The following ARL15 variants were observed in gnomAD, a reference collection of about 807,000 sequenced individuals.
The protein encoded by ARL15 is ADP-ribosylation factor-like protein 15.
Under a neutral mutation model 25.2 loss-of-function variants are expected in ARL15, and 19 were observed. The observed-to-expected ratio is 0.75, with a 90% CI of 0.53 to 1.10. The LOEUF is 1.10. Among genes scored for constraint, ARL15 ranks in the 50% least tolerant of loss-of-function variants. The probability of loss-of-function intolerance (pLI) is 0.00; values close to 1 mark genes in which losing one functional copy is unlikely to be tolerated. For synonymous variants in ARL15, 94 were observed against 86.8 expected, an observed-to-expected ratio of 1.08 and a Z score of -0.46; for missense variants, 220 against 246.0, an observed-to-expected ratio of 0.89 and a Z score of 0.71.
intron 2 of ARL15, among the ~76,000 whole-genome samples, chr5:54,159,272 G>C (rs1754330787): frequency 6.6e-6 from 1 of 152,142 alleles, no homozygotes; most frequent in Non-Finnish European, 1.5e-5. Flanking sequence ...AACTTAGGAG[G>C]GGAGGGAAAA....
chr5:54,114,406 G>GCAAAAAAAAAAAAAA (rs1342951039), intron 3 of ARL15, among the ~76,000 whole-genome samples: 1 of 74,474 alleles, frequency 1.3e-5, no homozygotes, highest in Non-Finnish European at 2.3e-5. Flanking sequence ...TCCATCTCAA[G>GCAAAAAAAAAAAAAA]AAAAAAAAAA....
At chr5:54,143,496 A>G (rs1295526070) in intron 3 of ARL15, among the ~76,000 whole-genome samples, 1 of 151,912 alleles carries the variant, frequency 6.6e-6, no homozygotes, top group African/African-American at 2.4e-5. Flanking sequence ...TTTTGTCACC[A>G]TATATAGCTG....
At chr5:54,264,098 G>T (rs1188386248) in intron 1 of ARL15, among the ~76,000 whole-genome samples, 1 of 151,938 alleles carries the variant, frequency 6.6e-6, no homozygotes, top group African/African-American at 2.4e-5. Flanking sequence ...ATCATCTTTT[G>T]CCTAGATTAC....
intron 4 of ARL15, among the ~76,000 whole-genome samples, chr5:53,944,862 C>T (rs2112096497): frequency 6.6e-6 from 1 of 152,150 alleles, no homozygotes; most frequent in South Asian, 2.1e-4. Flanking sequence ...ACCAAATAAA[C>T]AAAATAGAGA....
chr5:54,010,926 G>C (rs1030570966), intron 4 of ARL15, among the ~76,000 whole-genome samples: 2 of 151,760 alleles, frequency 1.3e-5, no homozygotes, highest in African/African-American at 4.8e-5. Flanking sequence ...CGTGAACCCG[G>C]GAGGCGGAGC....
chr5:53,976,476 G>A (rs372195169), intron 4 of ARL15, among the ~76,000 whole-genome samples: 16 of 152,236 alleles, frequency 1.1e-4, no homozygotes, highest in Admixed American at 2.6e-4. Context: ...TATACTAATG[G>A]ATATGGGGAG....
chr5:54,241,330 G>T (rs1336995764), intron 1 of ARL15, among the ~76,000 whole-genome samples: 1 of 151,994 alleles, frequency 6.6e-6, no homozygotes, highest in Non-Finnish European at 1.5e-5. Context: ...TTCACCCAAT[G>T]GTTGTGGTAG....
intron 4 of ARL15, among the ~76,000 whole-genome samples, chr5:53,913,180 G>A (rs532142163): frequency 8.5e-5 from 13 of 152,294 alleles, no homozygotes; most frequent in South Asian, 2.1e-4. Context: ...GCATGCATCC[G>A]GAGTCTCAGC....
intron 1 of ARL15, among the ~76,000 whole-genome samples, chr5:54,204,650 T>C (rs191355466): frequency 9.8e-5 from 15 of 152,306 alleles, no homozygotes; most frequent in Admixed American, 9.2e-4. Context: ...GTCTTGCACT[T>C]TTTTTCTCAA....
intron 1 of ARL15, among the ~76,000 whole-genome samples, chr5:54,250,495 G>A (rs1757210472): frequency 6.6e-6 from 1 of 152,190 alleles, no homozygotes; most frequent in Non-Finnish European, 1.5e-5. Context: ...GTTAAAGTTG[G>A]AGAAGAAAAT....
intron 1 of ARL15, among the ~76,000 whole-genome samples, chr5:54,239,630 G>GTCCTCAT (rs1259963718): frequency 1.4e-4 from 22 of 152,180 alleles, no homozygotes; most frequent in African/African-American, 5.3e-4. Flanking sequence ...TCTGAAATAT[G>GTCCTCAT]AGGACAAAAA....
chr5:53,899,896 C>CT (rs1745007653), intron 4 of ARL15, among the ~76,000 whole-genome samples: 1 of 152,172 alleles, frequency 6.6e-6, no homozygotes, highest in Admixed American at 6.5e-5. Context: ...GTCCTCCTTA[C>CT]TTTTTTCCTC....
intron 1 of ARL15, among the ~76,000 whole-genome samples, chr5:54,186,931 C>A (rs1158752326): frequency 1.3e-5 from 2 of 149,656 alleles, no homozygotes; most frequent in South Asian, 4.3e-4. Context: ...TCTTAAACTA[C>A]CAGGAAAATA....
In ARL15 at chr5:54,080,016, C is replaced by G. The variant is rs895909117; in HGVS notation, c.462+33186G>C. 1.2e-4 allele frequency among the ~76,000 whole-genome samples: 15 copies of G among 127,020 alleles called. No homozygotes were observed. The East Asian group carries it at 3.6e-3, about 30-fold the overall frequency. The allele number at this position is 127,020 out of a possible 152,430, so 83.3% of individuals were successfully genotyped here. A position where few individuals can be genotyped will look rare whatever the true frequency, so the allele number is the denominator to read the frequency against. ...ACACACACACACACACACACACACACAGACACAGATGTATATTAATTTAAT... is the reference window on the plus strand; with the variant it reads ...ACACACACACACACACACACACACAGAGACACAGATGTATATTAATTTAAT... On this transcript the variant is annotated intron_variant, in intron 4 of 4. Coordinates refer to ENST00000504924, the MANE Select transcript of ARL15 (RefSeq NM_019087.3).
At chr5:54,124,297 T>C (rs927065355) in intron 3 of ARL15, among the ~76,000 whole-genome samples, 2 of 152,192 alleles carry the variant, frequency 1.3e-5, no homozygotes, top group South Asian at 4.1e-4. Flanking sequence ...GAAACAGTTA[T>C]AGGGCAGCAC....
chr5:54,128,481 C>A (rs1255275820), intron 3 of ARL15, among the ~76,000 whole-genome samples: 1 of 152,098 alleles, frequency 6.6e-6, no homozygotes, highest in Non-Finnish European at 1.5e-5. Context: ...TATTATGATT[C>A]ACTTAATCAA....
chr5:54,003,566 G>T (rs574508955), intron 4 of ARL15, among the ~76,000 whole-genome samples: 15 of 152,132 alleles, frequency 9.9e-5, no homozygotes, highest in Non-Finnish European at 2.2e-4. Context: ...ATGAAAACAG[G>T]TTTAAGTTGC....
intron 4 of ARL15, among the ~76,000 whole-genome samples, chr5:54,001,828 A>G (rs1296296031): frequency 6.6e-6 from 1 of 152,190 alleles, no homozygotes; most frequent in African/African-American, 2.4e-5. Flanking sequence ...TGGCAATCCA[A>G]AGGAAAATAA....
chr5:53,996,610 C>A, intron 4 of ARL15, among the ~76,000 whole-genome samples: 2 of 109,438 alleles, frequency 1.8e-5, no homozygotes, highest in African/African-American at 4.3e-5. Context: ...CAGAGTGAGA[C>A]TGTCTCATAA....
Sources: gnomAD v4.1 joint callset for allele counts (sites outside exome capture counted in the v4.1 genomes callset) on GRCh38, gnomAD v4.1.1 for gene constraint, MANE v1.5 for transcripts, NCBI Gene and HGNC (gene_info 2026-07-23, HGNC 2026-07-21) for gene names.